MTUS2: variants seen among roughly 807,000 people sequenced by gnomAD.
MTUS2 encodes microtubule associated scaffold protein 2.
MTUS2 carries 40 observed loss-of-function variants against 114.1 expected under a neutral mutation model. The ratio of observed to expected loss-of-function variants is 0.35; its 90% CI spans 0.27 to 0.46. MTUS2 has a LOEUF of 0.46. Ranked by LOEUF, MTUS2 falls within the 20% of genes least tolerant of loss-of-function variation. MTUS2 has a pLI of 1.00. For synonymous variants in MTUS2, 688 were observed against 672.0 expected (o/e 1.02, Z -0.37); for missense variants, 1,679 against 1,705.4 (o/e 0.98, Z 0.27).
intron 2 of MTUS2, among the ~76,000 whole-genome samples, chr13:28,920,543 A>C (rs549575802): frequency 6.6e-6 from 1 of 152,112 alleles, no homozygotes; most frequent in African/African-American, 2.4e-5. Flanking sequence ...AAGGCCCACT[A>C]TAACCACTAC....
chr13:28,911,173 CTTTTTTT>C (rs35468877), intron 2 of MTUS2, among the ~76,000 whole-genome samples: 1 of 79,648 alleles, frequency 1.3e-5, no homozygotes, highest in Non-Finnish European at 2.3e-5. Context: ...CTGCGCCCTG[CTTTTTTT>C]TTTTTTTTTT....
chr13:28,914,268 A>G (rs572110236), intron 2 of MTUS2, among the ~76,000 whole-genome samples: 6 of 152,140 alleles, frequency 3.9e-5, no homozygotes, highest in African/African-American at 1.4e-4. Flanking sequence ...TGCTTTAGCT[A>G]TATCTCAGAG....
chr13:29,410,406 C>T (rs1273025998), intron 8 of MTUS2, among the ~76,000 whole-genome samples: 1 of 152,108 alleles, frequency 6.6e-6, no homozygotes, highest in East Asian at 1.9e-4. Context: ...GGATTACAGG[C>T]GTGAGCCACC....
At chr13:29,458,034 G>T (rs1398970320) in intron 9 of MTUS2, among the ~76,000 whole-genome samples, 9 of 152,212 alleles carry the variant, frequency 5.9e-5, no homozygotes, top group Admixed American at 5.2e-4. Context: ...TTATAGGCGT[G>T]AGCCACTGCA....
chr13:28,978,338 G>C (rs1884210244), intron 2 of MTUS2, among the ~76,000 whole-genome samples: 1 of 152,166 alleles, frequency 6.6e-6, no homozygotes, highest in Admixed American at 6.5e-5. Flanking sequence ...ACTTTGTAGA[G>C]ACAGTTTTGA....
At chr13:28,958,764 G>A (rs1007437846) in intron 2 of MTUS2, among the ~76,000 whole-genome samples, 3 of 152,160 alleles carry the variant, frequency 2.0e-5, no homozygotes, top group Non-Finnish European at 4.4e-5. Flanking sequence ...TGAATCTTTT[G>A]GAATAAAGAA....
intron 5 of MTUS2, among the ~76,000 whole-genome samples, chr13:29,173,820 T>TA (rs1457889343): frequency 6.6e-6 from 1 of 152,108 alleles, no homozygotes; most frequent in Non-Finnish European, 1.5e-5. Flanking sequence ...TTTCCTGAAA[T>TA]AAAAATCGCA....
chr13:29,150,183 T>C (rs1892609657), intron 5 of MTUS2, among the ~76,000 whole-genome samples: 1 of 152,238 alleles, frequency 6.6e-6, no homozygotes, highest in South Asian at 2.1e-4. Context: ...GCACCCTCTC[T>C]GATTTCTTTG....
chr13:29,477,625 C>T (rs548796399), intron 9 of MTUS2, among the ~76,000 whole-genome samples: 37 of 152,330 alleles, frequency 2.4e-4, no homozygotes, highest in African/African-American at 8.7e-4. Flanking sequence ...CACAAAGTCT[C>T]TGACCAAGTC....
chr13:28,920,614 G>A (rs1340849131), intron 2 of MTUS2, among the ~76,000 whole-genome samples: 1 of 152,290 alleles, frequency 6.6e-6, no homozygotes, highest in Admixed American at 6.5e-5. Context: ...TTGATAAACC[G>A]AGCTGGGTTT....
intron 8 of MTUS2, among the ~76,000 whole-genome samples, chr13:29,406,100 A>T (rs1004490370): frequency 1.2e-4 from 18 of 152,154 alleles, no homozygotes; most frequent in African/African-American, 3.9e-4. Flanking sequence ...TTTTATTTTT[A>T]AAATAACATA....
intron 5 of MTUS2, among the ~76,000 whole-genome samples, chr13:29,174,138 A>T (rs1486466278): frequency 6.6e-6 from 1 of 152,244 alleles, no homozygotes; most frequent in East Asian, 1.9e-4. Context: ...GCCTTTCTTT[A>T]TTGGAAAGTG....
chr13:29,502,138 G>C lies in MTUS2; in HGVS notation c.3897-855G>C, dbSNP rs969925027. ...GAGGCACATAGGAAAGGCTGTGCTG[G>C]GGGCAGCAAGCTCTCTTTGCTCCGG... On this transcript the variant is annotated intron_variant, in intron 15 of 15. Transcript: ENST00000612955. Among the ~76,000 whole-genome samples the C allele has an allele frequency of 2.0e-5, 3 of 152,346 alleles. No homozygotes were observed. The East Asian group carries it at 5.8e-4, about 29-fold the overall frequency.
chr13:29,296,508 G>A (rs1898951916), intron 6 of MTUS2, among the ~76,000 whole-genome samples: 1 of 152,054 alleles, frequency 6.6e-6, no homozygotes, highest in Non-Finnish European at 1.5e-5. Flanking sequence ...CTATTTTCAG[G>A]TTTTTGAGAA....
intron 5 of MTUS2, among the ~76,000 whole-genome samples, chr13:29,190,132 T>A (rs1167161082): frequency 6.6e-6 from 1 of 152,182 alleles, no homozygotes; most frequent in Non-Finnish European, 1.5e-5. Context: ...GAAATAAATG[T>A]CTATTGTTTA....
intron 2 of MTUS2, among the ~76,000 whole-genome samples, chr13:28,858,409 A>T (rs1876767764): frequency 6.6e-6 from 1 of 152,156 alleles, no homozygotes; most frequent in Non-Finnish European, 1.5e-5. Flanking sequence ...GTTCTTTCAT[A>T]TAGTTATTTA....
Position 29,024,911 on chromosome 13 carries a change from T to C in MTUS2, c.213T>C (p.Arg71=), listed in dbSNP as rs754834820. Residue 71 remains arginine (R), a synonymous_variant, in exon 3 of 16, where the codon CGT becomes CGC. Transcript: ENST00000612955. ...GNTNSSEPEN[R]THFHKEFHQL... is the part of the protein sequence containing the mutation. ...CAAATTCAAGTGAGCCAGAAAACCG[T>C]ACCCATTTCCATAAGGAATTTCACC... The C allele has an allele frequency of 1.5e-5, 24 of 1,613,762 alleles. No homozygotes were observed. Among genetic ancestry groups the C allele is most frequent in the African/African-American group, 1.1e-4 (8 of 74,906 alleles).
intron 5 of MTUS2, among the ~76,000 whole-genome samples, chr13:29,226,886 G>A (rs73166497): frequency 0.066 from 10,041 of 152,188 alleles, 473 homozygotes; most frequent in Non-Finnish European, 0.097. Flanking sequence ...ATCCTTTCAA[G>A]AAGAGTGATT....
intron 5 of MTUS2, among the ~76,000 whole-genome samples, chr13:29,205,652 A>G (rs1332691829): frequency 6.6e-6 from 1 of 152,200 alleles, no homozygotes; most frequent in Non-Finnish European, 1.5e-5. Flanking sequence ...GAGTGAGAAC[A>G]TGCAATGTTT....
Sources: gnomAD v4.1 joint callset for allele counts (sites outside exome capture counted in the v4.1 genomes callset) on GRCh38, gnomAD v4.1.1 for gene constraint, MANE v1.5 for transcripts, NCBI Gene and HGNC (gene_info 2026-07-23, HGNC 2026-07-21) for gene names.